CELF4: variants seen among roughly 807,000 people sequenced by gnomAD.
CELF4 encodes CUG-BP- and ETR-3-like factor 4.
Under a neutral mutation model 59.9 loss-of-function variants are expected in CELF4, and 18 were observed. That is an observed-to-expected ratio of 0.30 (90% CI 0.21 to 0.45). The LOEUF (loss-of-function observed/expected upper bound fraction) is 0.45, where lower values mean the gene tolerates loss of function less well. Among genes scored for constraint, CELF4 ranks in the 20% least tolerant of loss-of-function variants. CELF4 has a pLI of 1.00. For missense variants in CELF4, 456 were observed against 689.0 expected (o/e 0.66, Z 3.79); for synonymous variants, 261 against 267.1 (o/e 0.98, Z 0.22).
At chr18:37,354,568 C>A (rs1430557023) in intron 2 of CELF4, among the ~76,000 whole-genome samples, 1 of 152,226 alleles carries the variant, frequency 6.6e-6, no homozygotes, top group African/African-American at 2.4e-5. Context: ...TGTATTCTCT[C>A]AGCAAACGCT....
chr18:37,514,565 A>T (rs2099948456), intron 1 of CELF4, among the ~76,000 whole-genome samples: 1 of 152,152 alleles, frequency 6.6e-6, no homozygotes, highest in Non-Finnish European at 1.5e-5. Context: ...TCACACGAGG[A>T]ATTGGAGGAG....
chr18:37,405,887 C>G (rs1289857549), intron 2 of CELF4, among the ~76,000 whole-genome samples: 9 of 152,106 alleles, frequency 5.9e-5, no homozygotes, highest in Non-Finnish European at 1.3e-4. Context: ...CTGGGCTGGC[C>G]CCCCTCCAGC....
intron 2 of CELF4, among the ~76,000 whole-genome samples, chr18:37,390,946 C>G (rs1603634267): frequency 6.6e-6 from 1 of 152,110 alleles, no homozygotes. Flanking sequence ...AGAGGGGCAG[C>G]CGCTGCAGGG....
intron 2 of CELF4, among the ~76,000 whole-genome samples, chr18:37,353,738 GCT>G (rs1378837959): frequency 5.6e-5 from 8 of 143,914 alleles, no homozygotes; most frequent in African/African-American, 2.1e-4. Context: ...AGACCAGTGG[GCT>G]GGTGGGGGCG....
intron 2 of CELF4, among the ~76,000 whole-genome samples, chr18:37,426,885 T>C (rs2099616486): frequency 6.6e-6 from 1 of 151,674 alleles, no homozygotes; most frequent in Non-Finnish European, 1.5e-5. Context: ...CCCCATGGAT[T>C]ACTTGGCTCT....
intron 3 of CELF4, 112 bp from the exon 4 acceptor site, chr18:37,275,355 C>T: frequency 3.9e-6 from 1 of 255,560 alleles, no homozygotes; most frequent in Non-Finnish European, 5.1e-6. Flanking sequence ...GGAGGCGGGG[C>T]GGGGGCTCGG....
At chr18:37,290,719 C>T (rs2095279450) in intron 3 of CELF4, among the ~76,000 whole-genome samples, 1 of 152,150 alleles carries the variant, frequency 6.6e-6, no homozygotes, top group African/African-American at 2.4e-5. Flanking sequence ...CTGCCCTCCT[C>T]TGGGCCTAAT....
At chr18:37,499,482 G>A (rs1232101031) in intron 1 of CELF4, among the ~76,000 whole-genome samples, 2 of 152,188 alleles carry the variant, frequency 1.3e-5, no homozygotes, top group Admixed American at 1.3e-4. Flanking sequence ...ACTGAGAGGG[G>A]ACAGCCTGGG....
chr18:37,275,170 G>A lies in CELF4; in HGVS notation c.522C>T (p.Ala174=), dbSNP rs1304945234. The part of the protein sequence containing the change: ...SEDDVRRLFE[A]FGNIEECTIL... ...TGGTGCACTCCTCGATGTTCCCAAA[G>A]GCCTCGAAAAGGCGGCGCACGTCGT... The change falls in exon 4 of 13, where the codon GCC becomes GCT. Residue 174 remains alanine, a synonymous_variant. Transcript: ENST00000420428. 6.8e-6 allele frequency: 11 copies of A among 1,613,536 alleles called. No homozygotes were observed. The African/African-American group carries it at 1.5e-4, about 22-fold the overall frequency.
chr18:37,333,808 C>G (rs200315613), intron 2 of CELF4, among the ~76,000 whole-genome samples: 1 of 143,196 alleles, frequency 7.0e-6, no homozygotes, highest in East Asian at 2.2e-4. Context: ...ATCCATCCAT[C>G]CATGCATCCA....
At chr18:37,389,725 C>T (rs1248600144) in intron 2 of CELF4, among the ~76,000 whole-genome samples, 1 of 152,174 alleles carries the variant, frequency 6.6e-6, no homozygotes, top group Admixed American at 6.5e-5. Flanking sequence ...GAGCGTCACA[C>T]GTACAGGAGT....
intron 2 of CELF4, among the ~76,000 whole-genome samples, chr18:37,353,641 G>T (rs1245272568): frequency 6.7e-6 from 1 of 148,824 alleles, no homozygotes; most frequent in Non-Finnish European, 1.5e-5. Flanking sequence ...GTTAGGTGGG[G>T]CTGGGGGAAA....
At chr18:37,512,029 C>T (rs541516630) in intron 1 of CELF4, among the ~76,000 whole-genome samples, 2 of 152,266 alleles carry the variant, frequency 1.3e-5, no homozygotes, top group South Asian at 2.1e-4. Context: ...CAGAAAAAAC[C>T]GTACACAACT....
chr18:37,485,673 C>G, intron 1 of CELF4, 66 bp from the exon 2 acceptor site: 1 of 1,085,940 alleles, frequency 9.2e-7, no homozygotes, highest in Non-Finnish European at 1.2e-6. Context: ...ACGCGCCCTG[C>G]CGCCCGCCCT....
intron 1 of CELF4, among the ~76,000 whole-genome samples, chr18:37,540,031 C>T (rs1166906838): frequency 6.6e-6 from 1 of 152,210 alleles, no homozygotes; most frequent in Non-Finnish European, 1.5e-5. Flanking sequence ...CTGTCTCCAC[C>T]TAGCCTTGCA....
intron 2 of CELF4, among the ~76,000 whole-genome samples, chr18:37,434,061 A>G (rs1338341279): frequency 1.3e-5 from 2 of 152,220 alleles, no homozygotes; most frequent in Non-Finnish European, 1.5e-5. Context: ...CAAGGGCCGG[A>G]CTAACAGGGC....
In CELF4 at chr18:37,482,713, TTTG is replaced by T. The variant is rs577794746; in HGVS notation, c.369+2809_369+2811del. On this transcript the variant is annotated intron_variant, in intron 2 of 12. Transcript: ENST00000420428. ...GTGCCTCTAGTTCTGTCTCTGTCAT[TTTG>T]TTATTGTTGCTCATAGTGACGGTGG... Among the ~76,000 whole-genome samples, 74 of 152,256 alleles carry T rather than the reference TTTG, an allele frequency of 4.9e-4. 1 individual carries two copies. In the South Asian group the frequency reaches 0.013, roughly 27 times the overall value.
At chr18:37,366,881 C>G (rs947628606) in intron 2 of CELF4, among the ~76,000 whole-genome samples, 1 of 152,230 alleles carries the variant, frequency 6.6e-6, no homozygotes, top group Non-Finnish European at 1.5e-5. Flanking sequence ...CTTCTCTCTG[C>G]TTCCACCCAT....
chr18:37,261,981 A>G (rs1294674348), intron 10 of CELF4, among the ~76,000 whole-genome samples: 3 of 151,930 alleles, frequency 2.0e-5, no homozygotes, highest in Non-Finnish European at 4.4e-5. Flanking sequence ...GACTCGGACA[A>G]CTCTGTGGGA....
Sources: allele counts gnomAD v4.1 joint callset (sites outside exome capture counted in the v4.1 genomes callset), GRCh38; gene constraint gnomAD v4.1.1; transcripts MANE v1.5; gene names NCBI Gene and HGNC (gene_info 2026-07-23, HGNC 2026-07-21).